The following RBFOX1 variants were observed in gnomAD, a reference collection of about 807,000 sequenced individuals.
RBFOX1 encodes RNA binding protein fox-1 homolog 1.
RBFOX1 carries 8 observed loss-of-function variants against 57.7 expected under a neutral mutation model. The observed-to-expected ratio is 0.14, with a 90% CI of 0.08 to 0.25. The LOEUF (loss-of-function observed/expected upper bound fraction) is 0.25, where lower values mean the gene tolerates loss of function less well. Among genes scored for constraint, RBFOX1 ranks in the 10% least tolerant of loss-of-function variants. The pLI, the probability that RBFOX1 is intolerant of heterozygous loss-of-function variation, is 1.00. For missense variants in RBFOX1, 611 were observed against 548.5 expected (o/e 1.11, Z -1.14); for synonymous variants, 326 against 222.4 (o/e 1.47, Z -4.15).
At chr16:7,647,116 T>G (rs1040540175) in intron 11 of RBFOX1, among the ~76,000 whole-genome samples, 3 of 152,194 alleles carry the variant, frequency 2.0e-5, no homozygotes, top group African/African-American at 7.2e-5. Context: ...TTCCATTTCA[T>G]CGAGTTCCAT....
At chr16:5,968,730 C>A (rs899026803) in intron 4 of RBFOX1, among the ~76,000 whole-genome samples, 2 of 151,812 alleles carry the variant, frequency 1.3e-5, no homozygotes, top group Admixed American at 6.6e-5. Context: ...ATGTGTGATT[C>A]CATTAATTTT....
intron 3 of RBFOX1, among the ~76,000 whole-genome samples, chr16:6,819,363 C>T (rs926897845): frequency 3.9e-5 from 6 of 152,146 alleles, no homozygotes; most frequent in Admixed American, 2.0e-4. Context: ...AGTGAACACA[C>T]ACACACATCC....
intron 2 of RBFOX1, among the ~76,000 whole-genome samples, chr16:6,411,962 T>G (rs1487421469): frequency 6.6e-6 from 1 of 151,946 alleles, no homozygotes; most frequent in Non-Finnish European, 1.5e-5. Flanking sequence ...TGAAACCCTG[T>G]CTCTACTAAA....
intron 1 of RBFOX1, among the ~76,000 whole-genome samples, chr16:5,427,101 T>C (rs959070679): frequency 6.6e-6 from 1 of 152,170 alleles, no homozygotes; most frequent in Non-Finnish European, 1.5e-5. Flanking sequence ...CCATCCACTG[T>C]CCCTTCCCTG....
intron 2 of RBFOX1, among the ~76,000 whole-genome samples, chr16:6,626,895 A>T (rs1038108088): frequency 6.6e-6 from 1 of 152,208 alleles, no homozygotes; most frequent in Admixed American, 6.5e-5. Context: ...GCCAGACACA[A>T]ATTGGAAGGA....
chr16:6,574,614 G>C (rs1273480462), intron 2 of RBFOX1, among the ~76,000 whole-genome samples: 6 of 148,938 alleles, frequency 4.0e-5, no homozygotes, highest in African/African-American at 1.5e-4. Flanking sequence ...ATTTTTAGTA[G>C]AGACGGGGTT....
At chr16:7,284,101 C>G (rs571049042) in intron 4 of RBFOX1, among the ~76,000 whole-genome samples, 11 of 152,344 alleles carry the variant, frequency 7.2e-5, no homozygotes, top group African/African-American at 2.6e-4. Context: ...GTAGTTGCAT[C>G]TATCAACAGT....
At chr16:5,922,979 G>A (rs972426421) in intron 4 of RBFOX1, among the ~76,000 whole-genome samples, 1 of 152,180 alleles carries the variant, frequency 6.6e-6, no homozygotes, top group African/African-American at 2.4e-5. Flanking sequence ...CAGAGGATGT[G>A]GAGGACAGAG....
At chr16:5,763,906 A>G (rs549771034) in intron 3 of RBFOX1, among the ~76,000 whole-genome samples, 57 of 152,250 alleles carry the variant, frequency 3.7e-4, no homozygotes, top group Non-Finnish European at 6.9e-4. Context: ...ATTTCCAGGT[A>G]TGTATCCCGC....
At chr16:6,370,126 A>G (rs1039654046) in intron 2 of RBFOX1, among the ~76,000 whole-genome samples, 1 of 152,064 alleles carries the variant, frequency 6.6e-6, no homozygotes, top group African/African-American at 2.4e-5. Context: ...TGGGAGGCCG[A>G]GGCAGGCGGA....
intron 4 of RBFOX1, among the ~76,000 whole-genome samples, chr16:5,874,602 G>C (rs748680436): frequency 1.4e-4 from 21 of 152,136 alleles, no homozygotes; most frequent in Non-Finnish European, 3.1e-4. Context: ...GTTATGCCTG[G>C]CAACCTTCAC....
At chr16:6,125,911 T>C (rs2096586237) in intron 1 of RBFOX1, among the ~76,000 whole-genome samples, 1 of 152,174 alleles carries the variant, frequency 6.6e-6, no homozygotes, top group Non-Finnish European at 1.5e-5. Flanking sequence ...AAAAAAGTGA[T>C]TTCCAGTTAA....
At chr16:7,634,032 A>G (rs558975241) in intron 11 of RBFOX1, among the ~76,000 whole-genome samples, 16 of 152,298 alleles carry the variant, frequency 1.1e-4, no homozygotes, top group Admixed American at 2.0e-4. Context: ...ATTCATGGTC[A>G]TCCAGGATTT....
chr16:5,760,417 C>G lies in RBFOX1; in HGVS notation c.319-106886C>G, dbSNP rs146489731. Among the ~76,000 whole-genome samples the G allele has an allele frequency of 4.6e-5, 7 of 152,138 alleles. No individual in the cohort carries two copies. In the South Asian group the frequency reaches 1.5e-3, roughly 32 times the overall value. On this transcript the variant is annotated intron_variant, in intron 3 of 19. Coordinates refer to the RBFOX1 transcript ENST00000641259. ...ATACACACACACATACATATATACCCCCAAAGAATTGTAAGTAGGTATTCA... is the reference window on the plus strand; with the variant it reads ...ATACACACACACATACATATATACCGCCAAAGAATTGTAAGTAGGTATTCA...
intron 1 of RBFOX1, among the ~76,000 whole-genome samples, chr16:6,314,583 C>A (rs2080838495): frequency 6.6e-6 from 1 of 152,066 alleles, no homozygotes; most frequent in Non-Finnish European, 1.5e-5. Flanking sequence ...AATACTAGTG[C>A]ACTGTGTCTT....
rs75041796 is a variant in RBFOX1 at position 5,544,538 on chromosome 16, A to G, written c.259-54364A>G. ...AAGTAAGCAGGGAAAAATAATAAAG[A>G]TCAGAGAGAAATTAATGAAATGAAA... On this transcript the variant is annotated intron_variant, in intron 2 of 2. Coordinates refer to the RBFOX1 transcript ENST00000585867. Among the ~76,000 whole-genome samples, 1,399 of 152,304 alleles carry G rather than the reference A, an allele frequency of 9.2e-3. 11 individuals are homozygous for G. The highest frequency in any genetic ancestry group is 0.015 in the Non-Finnish European group (1,054 of 68,016).
At chr16:6,619,112 C>T (rs542826648) in intron 2 of RBFOX1, among the ~76,000 whole-genome samples, 4 of 152,094 alleles carry the variant, frequency 2.6e-5, no homozygotes, top group African/African-American at 9.6e-5. Context: ...CTTCCAGACA[C>T]TTAACACACA....
chr16:7,403,737 G>T (rs905831073), intron 4 of RBFOX1, among the ~76,000 whole-genome samples: 3 of 151,822 alleles, frequency 2.0e-5, no homozygotes, highest in African/African-American at 4.8e-5. Context: ...GTAGAGACAG[G>T]GTTTCACCAT....
intron 4 of RBFOX1, among the ~76,000 whole-genome samples, chr16:7,375,055 T>A (rs1367121057): frequency 1.3e-5 from 2 of 152,252 alleles, no homozygotes; most frequent in African/African-American, 4.8e-5. Context: ...GATAGGCGTA[T>A]GTTTCAGGAG....
Sources: allele counts gnomAD v4.1 joint callset (sites outside exome capture counted in the v4.1 genomes callset), GRCh38; gene constraint gnomAD v4.1.1; transcripts MANE v1.5; gene names NCBI Gene and HGNC (gene_info 2026-07-23, HGNC 2026-07-21).